MSRA: variants seen among roughly 807,000 people sequenced by gnomAD.
MSRA encodes the protein mitochondrial peptide methionine sulfoxide reductase.
In MSRA, 54 loss-of-function variants were observed where a neutral mutation model predicts 31.3. The ratio of observed to expected loss-of-function variants is 1.73; its 90% confidence interval spans 1.39 to 2.17. MSRA has a LOEUF of 2.17. Among genes scored for constraint, MSRA ranks in the 30% most tolerant of loss-of-function variants. MSRA has a pLI of 0.00. For missense variants in MSRA, 507 were observed against 300.9 expected, an observed-to-expected ratio of 1.69 and a Z score of -5.07; for synonymous variants, 169 against 116.5, an observed-to-expected ratio of 1.45 and a Z score of -2.90.
At chr8:10,330,548 C>T (rs1802636217) in intron 5 of MSRA, among the ~76,000 whole-genome samples, 1 of 152,196 alleles carries the variant, frequency 6.6e-6, no homozygotes, top group African/African-American at 2.4e-5. Flanking sequence ...CATTGCCAGA[C>T]TTGCATTACA....
intron 3 of MSRA, among the ~76,000 whole-genome samples, chr8:10,246,266 G>A (rs1327132648): frequency 1.3e-5 from 2 of 152,198 alleles, no homozygotes; most frequent in African/African-American, 4.8e-5. Flanking sequence ...AAAAAAATTT[G>A]CTGACCTCTA....
At chr8:10,233,219 ACT>A (rs1811641075) in intron 2 of MSRA, among the ~76,000 whole-genome samples, 1 of 152,154 alleles carries the variant, frequency 6.6e-6, no homozygotes, top group South Asian at 2.1e-4. Context: ...AACCCTGGAA[ACT>A]CTAATCACCT....
At chr8:10,087,022 A>G (rs552608614) in intron 1 of MSRA, among the ~76,000 whole-genome samples, 43 of 152,334 alleles carry the variant, frequency 2.8e-4, no homozygotes, top group African/African-American at 8.4e-4. Context: ...TTTATCTTCT[A>G]TGACACCAGG....
At chr8:10,179,895 AGTTGTTCTAAGTG>A (rs1024597055) in intron 1 of MSRA, among the ~76,000 whole-genome samples, 3 of 152,186 alleles carry the variant, frequency 2.0e-5, no homozygotes, top group African/African-American at 2.4e-5. Context: ...TCAACCCCAA[AGTTGTTCTAAGTG>A]GGAAAACTGT....
chr8:10,133,941 G>C (rs911542258), intron 1 of MSRA, among the ~76,000 whole-genome samples: 2 of 151,926 alleles, frequency 1.3e-5, no homozygotes, highest in South Asian at 2.1e-4. Flanking sequence ...AGTGATTCTC[G>C]TTTCTCAGCC....
intron 2 of MSRA, among the ~76,000 whole-genome samples, chr8:10,210,807 C>T (rs1809411058): frequency 6.6e-6 from 1 of 151,324 alleles, no homozygotes; most frequent in Non-Finnish European, 1.5e-5. Flanking sequence ...GATCTGAGCT[C>T]ACTGCAACCT....
intron 5 of MSRA, among the ~76,000 whole-genome samples, chr8:10,407,940 G>T (rs188003687): frequency 1.3e-5 from 2 of 152,294 alleles, no homozygotes; most frequent in East Asian, 3.9e-4. Context: ...CACTGGAGAT[G>T]CACCGAATCT....
At chr8:10,075,683 T>A (rs1797962818) in intron 1 of MSRA, among the ~76,000 whole-genome samples, 1 of 152,232 alleles carries the variant, frequency 6.6e-6, no homozygotes, top group Non-Finnish European at 1.5e-5. Flanking sequence ...CATCAAGAGA[T>A]GATTTTACGA....
intron 3 of MSRA, among the ~76,000 whole-genome samples, chr8:10,270,944 T>C (rs1008383262): frequency 1.3e-5 from 2 of 152,218 alleles, no homozygotes; most frequent in Admixed American, 6.5e-5. Flanking sequence ...AATGCTGAGC[T>C]GACAGGAAGC....
intron 1 of MSRA, among the ~76,000 whole-genome samples, chr8:10,105,204 C>G (rs1030854654): frequency 1.3e-5 from 2 of 150,422 alleles, no homozygotes; most frequent in Admixed American, 6.7e-5. Context: ...CTTTTTTTTT[C>G]TCATTTTCCT....
chr8:10,415,141 C>T (rs780399590), intron 5 of MSRA, among the ~76,000 whole-genome samples: 18 of 152,206 alleles, frequency 1.2e-4, no homozygotes, highest in Non-Finnish European at 1.6e-4. Context: ...CTATAGGACC[C>T]TGAGTTTCAT....
chr8:10,214,622 A>G (rs1186711058), intron 2 of MSRA, among the ~76,000 whole-genome samples: 1 of 152,200 alleles, frequency 6.6e-6, no homozygotes, highest in African/African-American at 2.4e-5. Flanking sequence ...ATTCCAGGAA[A>G]AAGGCCAGAA....
At chr8:10,256,302 T>C (rs1253046232) in intron 3 of MSRA, among the ~76,000 whole-genome samples, 2 of 152,146 alleles carry the variant, frequency 1.3e-5, no homozygotes, top group African/African-American at 4.8e-5. Flanking sequence ...GCTTGGTAGG[T>C]CATTTCTTTT....
chr8:10,191,825 C>T (rs1321009027), intron 1 of MSRA, among the ~76,000 whole-genome samples: 2 of 151,780 alleles, frequency 1.3e-5, no homozygotes, highest in Non-Finnish European at 2.9e-5. Context: ...TTTATTAGAA[C>T]ACATTACTGT....
chr8:10,287,002 T>A (rs751970980), intron 3 of MSRA, among the ~76,000 whole-genome samples: 1 of 152,218 alleles, frequency 6.6e-6, no homozygotes, highest in African/African-American at 2.4e-5. Flanking sequence ...TCAAATATTC[T>A]AGCTACAGTG....
chr8:10,068,068 G>A (rs1357139410), intron 1 of MSRA, among the ~76,000 whole-genome samples: 1 of 151,850 alleles, frequency 6.6e-6, no homozygotes, highest in Admixed American at 6.6e-5. Context: ...ATTTTTAGTA[G>A]ACATGGGGTT....
chr8:10,144,762 A>T (rs1256252745), intron 1 of MSRA, among the ~76,000 whole-genome samples: 3 of 152,100 alleles, frequency 2.0e-5, no homozygotes, highest in Admixed American at 2.0e-4. Context: ...CTTTGCCTAA[A>T]TTATAATGTG....
chr8:10,194,127 G>C (rs545814064), intron 1 of MSRA, among the ~76,000 whole-genome samples: 179 of 152,300 alleles, frequency 1.2e-3, no homozygotes, highest in Admixed American at 2.5e-3. Context: ...CAAAATACTT[G>C]CTGCTGTACG....
chr8:10,172,078 A>G (rs952232526), intron 1 of MSRA, among the ~76,000 whole-genome samples: 3 of 152,228 alleles, frequency 2.0e-5, no homozygotes, highest in Non-Finnish European at 4.4e-5. Flanking sequence ...CATGGGGACT[A>G]GGAGGAGCCT....
Sources: allele counts gnomAD v4.1 joint callset (sites outside exome capture counted in the v4.1 genomes callset), GRCh38; gene constraint gnomAD v4.1.1; transcripts MANE v1.5; gene names NCBI Gene and HGNC (gene_info 2026-07-23, HGNC 2026-07-21).